Variants in ABCB5 observed in about 807,000 individuals in gnomAD.
ABCB5 encodes the protein ATP binding cassette subfamily B member 5, also known as ATP-binding cassette sub-family B member 5.
ABCB5 carries 155 observed loss-of-function variants against 144.2 expected under a neutral mutation model. That is an observed-to-expected ratio of 1.08 (90% CI 0.94 to 1.23). ABCB5 has a LOEUF of 1.23. Ranked by LOEUF, ABCB5 falls within the 50% of genes most tolerant of loss-of-function variation. ABCB5 has a pLI of 0.00. For missense variants in ABCB5, 1,830 were observed against 1,520.8 expected (o/e 1.20, Z -3.38); for synonymous variants, 610 against 528.6 (o/e 1.15, Z -2.11).
chr7:20,627,719 GA>G (rs199933085), intron 3 of ABCB5, among the ~76,000 whole-genome samples: 55 of 150,572 alleles, frequency 3.7e-4, no homozygotes, highest in Admixed American at 2.4e-3. Flanking sequence ...GTTCTGTGTA[GA>G]AAAAAAAATC....
intron 15 of ABCB5, among the ~76,000 whole-genome samples, 175 bp downstream of exon 15, chr7:20,681,841 T>C (rs1473714653): frequency 2.0e-5 from 3 of 152,160 alleles, no homozygotes; most frequent in African/African-American, 4.8e-5. Context: ...TGCTCAATAA[T>C]ATGATGAAAG....
rs1230836764 is a variant in ABCB5, at chr7:20,755,850, T to C, written c.*226T>C. On this transcript the variant is annotated 3_prime_UTR_variant, in exon 28 of 28. Coordinates refer to ENST00000404938, the MANE Select transcript of ABCB5 (RefSeq NM_001163941.2). ...GTGAAATAATGCTTATATCCTTCAC[T>C]TTATAAAACTATTCTAGCACATTTG... is the stretch of plus-strand genomic sequence containing the variant. 2.1e-6 allele frequency: 1 copy of C among 469,806 alleles called. No individual in the cohort carries two copies. Among genetic ancestry groups the C allele is most frequent in the African/African-American group, 2.0e-5 (1 of 51,132 alleles). 29.1% of individuals were successfully genotyped at this position (469,806 alleles called of 1,614,324 possible).
At chr7:20,736,010 G>A (rs977018529) in intron 23 of ABCB5, among the ~76,000 whole-genome samples, 8 of 152,170 alleles carry the variant, frequency 5.3e-5, no homozygotes, top group Non-Finnish European at 1.0e-4. Context: ...AAAGGATTTA[G>A]GGCGGGAAGA....
Position 20,756,630 on chromosome 7 carries a change from G to A in ABCB5, c.*1006G>A, listed in dbSNP as rs1283378886. 6.6e-5 allele frequency: 10 copies of A among 152,040 alleles called. No individual in the cohort carries two copies. Among genetic ancestry groups the A allele is most frequent in the Non-Finnish European group, 1.3e-4 (9 of 68,012 alleles). The allele number at this position is 152,040 out of a possible 1,614,324, so 9.4% of individuals were successfully genotyped here. On this transcript the variant is annotated 3_prime_UTR_variant, in exon 28 of 28. Transcript: ENST00000404938. ...TGCACTCCAGCCTGCGCAACAGAGC[G>A]AGACTCCATCTCAAAAAATAATAAA...
In ABCB5 at chr7:20,728,342, T is replaced by C. The variant is rs375313135; in HGVS notation, c.2754T>C (p.Ile918=). The C allele has an allele frequency of 1.9e-6, 3 of 1,614,128 alleles. No individual in the cohort carries two copies. Among genetic ancestry groups the C allele is most frequent in the Non-Finnish European group, 2.5e-6 (3 of 1,179,988 alleles). ...ATACCTCGAAGAAAGCACAGATTAT[T>C]GGAAGCTGTTATGCATTCAGCCATG... ...HRNTSKKAQI[I]GSCYAFSHAF... Residue 918 remains isoleucine, a synonymous_variant, in exon 23 of 28, where the codon ATT becomes ATC. Coordinates refer to ENST00000404938, the MANE Select transcript of ABCB5 (RefSeq NM_001163941.2).
Position 20,745,423 on chromosome 7 carries a change from T to A in ABCB5, c.3414T>A (p.Ile1138=). 6.2e-7 allele frequency: 1 copy of A among 1,614,186 alleles called. No homozygotes were observed. Among genetic ancestry groups the A allele is most frequent in the South Asian group, 1.1e-5 (1 of 91,082 alleles). The change falls in exon 26 of 28, where the codon ATT becomes ATA. Residue 1138 remains isoleucine, a synonymous_variant. Coordinates refer to ENST00000404938, the MANE Select transcript of ABCB5 (RefSeq NM_001163941.2). ...ATGCAGCAAATATCCATTCTTTTAT[T>A]GAAGGTCTCCCTGAGGTAAGAAAAT... ...AANAANIHSF[I]EGLPEKYNTQ...
Position 20,643,481 on chromosome 7 carries a change from A to T in ABCB5, c.527A>T (p.Asp176Val), listed in dbSNP as rs1266257745. ...TTCAGTGACATTGACAAAATCAGTG[A>T]TGGTATTGGAGATAAGATTGCTCTG... is the stretch of plus-strand genomic sequence containing the variant. ...RMTDDIDKIS[D>V]GIGDKIALLF... is the part of the protein sequence containing the mutation. Residue 176 changes from aspartate to valine, a missense_variant, in exon 7 of 28, where the codon GAT becomes GTT. Asp to Val is a radical substitution (Grantham distance 152). Transcript: ENST00000404938. 6.2e-7 allele frequency: 1 copy of T among 1,613,896 alleles called. No homozygotes were observed. The highest frequency in any genetic ancestry group is 8.5e-7 in the Non-Finnish European group (1 of 1,179,894).
chr7:20,714,180 T>C (rs1353076552), intron 20 of ABCB5, among the ~76,000 whole-genome samples: 2 of 152,190 alleles, frequency 1.3e-5, no homozygotes, highest in East Asian at 3.9e-4. Context: ...GAAGCAGAAA[T>C]CCTACCATAT....
intron 1 of ABCB5, among the ~76,000 whole-genome samples, chr7:20,616,962 A>G (rs1488630194): frequency 6.6e-6 from 1 of 151,780 alleles, no homozygotes; most frequent in Non-Finnish European, 1.5e-5. Context: ...TTATATAGCA[A>G]CCTCCTTTTA....
chr7:20,706,334 A>G lies in ABCB5; in HGVS notation c.2421+1527A>G, dbSNP rs544436741. ...CTACTTATATTTCAAATCTTTTCGG[A>G]ATCTTTTGAGTGAAACAGGCATTCT... On this transcript the variant is annotated intron_variant, in intron 20 of 27. Coordinates refer to ENST00000404938, the MANE Select transcript of ABCB5 (RefSeq NM_001163941.2). Among the ~76,000 whole-genome samples the G allele has an allele frequency of 2.6e-5, 4 of 152,238 alleles. No homozygotes were observed. In the East Asian group the frequency reaches 7.7e-4, roughly 29 times the overall value.
intron 26 of ABCB5, among the ~76,000 whole-genome samples, chr7:20,748,539 A>G (rs1782803105): frequency 6.6e-6 from 1 of 150,778 alleles, no homozygotes; most frequent in Admixed American, 6.7e-5. Context: ...ATTCCCAGCT[A>G]CTTGGGAGGC....
intron 24 of ABCB5, among the ~76,000 whole-genome samples, chr7:20,741,268 A>G (rs1782553241): frequency 6.6e-6 from 1 of 152,094 alleles, no homozygotes; most frequent in African/African-American, 2.4e-5. Context: ...AATAAATTTT[A>G]AATGTATTAA....
At chr7:20,618,978 T>C (rs1021008742) in intron 1 of ABCB5, among the ~76,000 whole-genome samples, 2 of 151,882 alleles carry the variant, frequency 1.3e-5, no homozygotes, top group Non-Finnish European at 2.9e-5. Flanking sequence ...TTTCACCATG[T>C]TGTCCAGGCT....
intron 9 of ABCB5, 58 bp from the exon 10 acceptor site, chr7:20,647,477 C>T (rs1329176615): frequency 6.7e-7 from 1 of 1,500,732 alleles, no homozygotes; most frequent in African/African-American, 1.4e-5. Flanking sequence ...ATATTACATT[C>T]TATTGTCTTT....
At chr7:20,711,845 T>TTTTTC (rs1787070702) in intron 20 of ABCB5, among the ~76,000 whole-genome samples, 1 of 10,234 alleles carries the variant, frequency 9.8e-5, no homozygotes, top group Non-Finnish European at 1.7e-4. Context: ...TCTTTCTTTC[T>TTTTTC]TTTCTTTCTT....
At chr7:20,691,582 T>TTTATTTA (rs1786231526) in intron 16 of ABCB5, among the ~76,000 whole-genome samples, 9 of 146,890 alleles carry the variant, frequency 6.1e-5, no homozygotes, top group East Asian at 6.0e-4. Flanking sequence ...TTAAATTCAT[T>TTTATTTA]TTTATTTATT....
chr7:20,635,650 A>C (rs560495516), intron 5 of ABCB5, among the ~76,000 whole-genome samples: 1 of 151,876 alleles, frequency 6.6e-6, no homozygotes, highest in African/African-American at 2.4e-5. Flanking sequence ...ATTCTTAGAT[A>C]TTTTTTGTAG....
In ABCB5 at chr7:20,673,375, A is replaced by G. The variant is rs144543948; in HGVS notation, c.1708-8130A>G. Among the ~76,000 whole-genome samples, 283 of 152,116 alleles carry G rather than the reference A, an allele frequency of 1.9e-3. 3 individuals carry two copies. The highest frequency in any genetic ancestry group is 6.6e-3 in the African/African-American group (273 of 41,536). ...GAGAAGGGTATTTAATTCTTCAACT[A>G]TTACTGTAACTTTTAGATTTATTCT... On this transcript the variant is annotated intron_variant, in intron 14 of 27. Transcript: ENST00000404938.
intron 14 of ABCB5, among the ~76,000 whole-genome samples, chr7:20,664,656 C>T (rs1279694404): frequency 1.3e-5 from 2 of 152,034 alleles, no homozygotes; most frequent in African/African-American, 4.8e-5. Context: ...AGCTATTATG[C>T]CCTTATGGAA....
Sources: gnomAD v4.1 joint callset for allele counts (sites outside exome capture counted in the v4.1 genomes callset) on GRCh38, gnomAD v4.1.1 for gene constraint, MANE v1.5 for transcripts, NCBI Gene and HGNC (gene_info 2026-07-23, HGNC 2026-07-21) for gene names.